Variants in ST18 observed in about 807,000 individuals in gnomAD.
The protein encoded by ST18 is ST18 C2H2C-type zinc finger transcription factor, also known as suppression of tumorigenicity 18 protein.
ST18 carries 50 observed loss-of-function variants against 110.0 expected under a neutral mutation model. The observed-to-expected ratio is 0.45, with a 90% CI of 0.36 to 0.58. The LOEUF is 0.58. Among genes scored for constraint, ST18 ranks in the 20% least tolerant of loss-of-function variants. ST18 has a pLI of 0.00. For missense variants in ST18, 1,306 were observed against 1,280.1 expected, an observed-to-expected ratio of 1.02 and a Z score of -0.31; for synonymous variants, 461 against 452.4, an observed-to-expected ratio of 1.02 and a Z score of -0.24.
At chr8:52,234,954 G>C (rs957117630) in intron 2 of ST18, among the ~76,000 whole-genome samples, 6 of 151,828 alleles carry the variant, frequency 4.0e-5, no homozygotes, top group African/African-American at 1.5e-4. Flanking sequence ...TGGACTTTAG[G>C]GACTCAGGGG....
At chr8:52,166,747 A>G (rs2063129676) in intron 11 of ST18, 105 bp downstream of exon 11, 2 of 1,365,556 alleles carry the variant, frequency 1.5e-6, no homozygotes, top group East Asian at 2.6e-5. Flanking sequence ...CATAGTTTAA[A>G]AAAGTTTGTT....
intron 2 of ST18, among the ~76,000 whole-genome samples, chr8:52,276,426 C>G (rs2095266664): frequency 6.6e-6 from 1 of 151,936 alleles, no homozygotes; most frequent in African/African-American, 2.4e-5. Flanking sequence ...ACACACCACA[C>G]ACAACACATG....
At chr8:52,118,620 G>A (rs1000380702) in intron 23 of ST18, among the ~76,000 whole-genome samples, 179 bp from the exon 24 acceptor site, 1 of 152,080 alleles carries the variant, frequency 6.6e-6, no homozygotes, top group African/African-American at 2.4e-5. Context: ...TAATTTATTG[G>A]TAAGAAAGAA....
intron 2 of ST18, among the ~76,000 whole-genome samples, chr8:52,268,369 C>T (rs2094941745): frequency 1.3e-5 from 2 of 152,158 alleles, no homozygotes; most frequent in Admixed American, 6.5e-5. Flanking sequence ...GAGCTCCTTC[C>T]CAACATTCAG....
At chr8:52,171,707 A>T in intron 10 of ST18, 85 bp downstream of exon 10, 1 of 1,434,998 alleles carries the variant, frequency 7.0e-7, no homozygotes, top group Non-Finnish European at 9.7e-7. Context: ...TTAAAAAGCT[A>T]CCTGAAAAAA....
chr8:52,326,103 A>T (rs182979762), intron 2 of ST18, among the ~76,000 whole-genome samples: 23 of 152,340 alleles, frequency 1.5e-4, no homozygotes, highest in Non-Finnish European at 2.9e-4. Flanking sequence ...GAAAAATTTG[A>T]AAAGCCTTGT....
chr8:52,185,942 A>G (rs2071953503), intron 8 of ST18, among the ~76,000 whole-genome samples: 2 of 152,232 alleles, frequency 1.3e-5, no homozygotes, highest in South Asian at 4.1e-4. Context: ...ATCAGAGCAC[A>G]TTAAAATGAA....
At chr8:52,386,286 A>G (rs1178207016) in intron 2 of ST18, among the ~76,000 whole-genome samples, 4 of 152,358 alleles carry the variant, frequency 2.6e-5, no homozygotes, top group Non-Finnish European at 5.9e-5. Flanking sequence ...ATGCACTAGT[A>G]TGTATAATGT....
chr8:52,183,390 T>C (rs1204514727), intron 8 of ST18, among the ~76,000 whole-genome samples: 1 of 152,188 alleles, frequency 6.6e-6, no homozygotes, highest in Non-Finnish European at 1.5e-5. Flanking sequence ...AGTTGAAGAC[T>C]ATAAAAATAA....
At chr8:52,142,785 G>A in intron 17 of ST18, 145 bp downstream of exon 17, 1 of 610,116 alleles carries the variant, frequency 1.6e-6, no homozygotes, top group South Asian at 2.3e-5. Flanking sequence ...CTTAGCTCAG[G>A]TTAGATGCGT....
chr8:52,167,773 C>T lies in ST18; in HGVS notation c.1070-787G>A, dbSNP rs28733450. Among the ~76,000 whole-genome samples, 1,489 of 152,136 alleles carry T rather than the reference C, an allele frequency of 9.8e-3. 19 individuals are homozygous for T. The highest frequency in any genetic ancestry group is 0.035 in the African/African-American group (1,436 of 41,492). ...ACCGAGCAGCGGTCCAGAGAGCACCCCCAGGAACACCAGTGTGGGTGGGGC... is the reference window on the plus strand; with the variant it reads ...ACCGAGCAGCGGTCCAGAGAGCACCTCCAGGAACACCAGTGTGGGTGGGGC... On this transcript the variant is annotated intron_variant, in intron 10 of 25. Coordinates refer to ENST00000689386, the MANE Select transcript of ST18 (RefSeq NM_001352837.2).
At chr8:52,179,170 A>T (rs2068307196) in intron 9 of ST18, among the ~76,000 whole-genome samples, 1 of 152,140 alleles carries the variant, frequency 6.6e-6, no homozygotes, top group Non-Finnish European at 1.5e-5. Context: ...TTAGATCTTA[A>T]TTGTTTTCTA....
chr8:52,373,433 C>G (rs1333674775), intron 2 of ST18, among the ~76,000 whole-genome samples: 1 of 152,134 alleles, frequency 6.6e-6, no homozygotes, highest in Non-Finnish European at 1.5e-5. Context: ...AATGTCAGTG[C>G]ATGTGCAGGC....
At chr8:52,389,200 C>A (rs1345261053) in intron 2 of ST18, among the ~76,000 whole-genome samples, 4 of 152,112 alleles carry the variant, frequency 2.6e-5, no homozygotes, top group African/African-American at 7.2e-5. Context: ...GAGGCGAGCG[C>A]GGAGGGCTCC....
intron 16 of ST18, among the ~76,000 whole-genome samples, chr8:52,147,198 CT>C (rs2057546341): frequency 6.6e-6 from 1 of 152,092 alleles, no homozygotes; most frequent in Non-Finnish European, 1.5e-5. Context: ...TGTGAATTTG[CT>C]GGGAAATGAA....
chr8:52,338,825 C>T lies in ST18; in HGVS notation c.-465+70503G>A, dbSNP rs534323850. On this transcript the variant is annotated intron_variant, in intron 2 of 25. Transcript: ENST00000689386. ...CAATCACAGCCCACTACAGCCTCAA[C>T]CTTCTGAGCTCAGTCAATCCTCCTA... Among the ~76,000 whole-genome samples, 107 of 152,082 alleles carry T rather than the reference C, an allele frequency of 7.0e-4. 1 individual carries two copies. The South Asian group carries it at 0.021, about 30-fold the overall frequency.
At chr8:52,198,788 T>A (rs991309230) in intron 8 of ST18, among the ~76,000 whole-genome samples, 1 of 152,200 alleles carries the variant, frequency 6.6e-6, no homozygotes, top group Non-Finnish European at 1.5e-5. Flanking sequence ...AATAACCTGA[T>A]AGAGAAGCAC....
At chr8:52,315,836 T>C (rs1177839895) in intron 2 of ST18, among the ~76,000 whole-genome samples, 1 of 152,242 alleles carries the variant, frequency 6.6e-6, no homozygotes, top group African/African-American at 2.4e-5. Flanking sequence ...CCCTATTATT[T>C]GCTCTTTCTT....
Position 52,159,008 on chromosome 8 carries a change from A to C in ST18, c.1696T>G (p.Cys566Gly), listed in dbSNP as rs1190954911. The C allele has an allele frequency of 6.2e-7, 1 of 1,614,120 alleles. No individual in the cohort carries two copies. Among genetic ancestry groups the C allele is most frequent in the Non-Finnish European group, 8.5e-7 (1 of 1,179,988 alleles). Reference protein sequence around the residue: ...GRASSYSYGQCSEDTHIAAAA... With the variant: ...GRASSYSYGQGSEDTHIAAAA... ...GCTGCTATGTGGGTGTCTTCACTAC[A>C]TTGACCGTAGCTATAAGAGCTGGCA... The change falls in exon 15 of 26, where the codon TGT (cysteine) becomes GGT (glycine). Residue 566 changes from cysteine to glycine, a missense_variant. By Grantham distance (159) the Cys-to-Gly change is radical (BLOSUM62 -3). Coordinates refer to ENST00000689386, the MANE Select transcript of ST18 (RefSeq NM_001352837.2).
Sources: gnomAD v4.1 joint callset for allele counts (sites outside exome capture counted in the v4.1 genomes callset) on GRCh38, gnomAD v4.1.1 for gene constraint, MANE v1.5 for transcripts, NCBI Gene and HGNC (gene_info 2026-07-23, HGNC 2026-07-21) for gene names.